TRRAP: variants seen among roughly 807,000 people sequenced by gnomAD.
TRRAP encodes transformation/transcription domain-associated protein.
In TRRAP, 41 loss-of-function variants were observed where a neutral mutation model predicts 438.8. The observed-to-expected ratio is 0.09, with a 90% confidence interval of 0.07 to 0.12. TRRAP has a LOEUF of 0.12. TRRAP is among the 10% of genes least tolerant of loss of function. The pLI is 1.00. For synonymous variants in TRRAP, 1,994 were observed against 1,962.9 expected (o/e 1.02, Z -0.42); for missense variants, 3,122 against 5,055.1 (o/e 0.62, Z 11.60).
chr7:98,949,242 A>AG (rs1554417575), intron 35 of TRRAP, among the ~76,000 whole-genome samples, 175 bp from the exon 36 acceptor site: 1 of 151,936 alleles, frequency 6.6e-6, no homozygotes, highest in African/African-American at 2.4e-5. Context: ...CTTTTTAAAA[A>AG]GAAAAAAAAA....
At chr7:98,924,921 G>A (rs922124442) in intron 21 of TRRAP, among the ~76,000 whole-genome samples, 191 bp from the exon 22 acceptor site, 13 of 151,332 alleles carry the variant, frequency 8.6e-5, no homozygotes, top group Non-Finnish European at 1.8e-4. Flanking sequence ...GGAGAATGGC[G>A]TGAACCCGGG....
rs2116624642 is a variant in TRRAP at position 98,953,045 on chromosome 7, GT to G, written c.5464-121del. On this transcript the variant is annotated intron_variant, in intron 39 of 72. Transcript: ENST00000456197. Reference sequence around the variant, plus strand: ...TTCATGTTACATTGTGTGTGTGTGTGTGTGTGTGTGTGTGTGTGTGTGTGTG... The same window carrying G: ...TTCATGTTACATTGTGTGTGTGTGTGGTGTGTGTGTGTGTGTGTGTGTGTG... 4 of 50,454 alleles carry G rather than the reference GT, an allele frequency of 7.9e-5. 1 individual carries two copies. The highest frequency in any genetic ancestry group is 4.3e-4 in the Admixed American group (1 of 2,318). The allele number at this position is 50,454 out of a possible 1,614,324, so 3.1% of individuals were successfully genotyped here.
chr7:98,956,321 C>T lies in TRRAP; in HGVS notation c.6096+17C>T, dbSNP rs782456140. On this transcript the variant is annotated intron_variant, in intron 42 of 72. Transcript: ENST00000456197. The surrounding 1 kb of genome is among the most constrained non-coding windows in gnomAD (Gnocchi z 4.5). ...GACCAGCAGGTAGGGGTGTCAGCCT[C>T]AGGGGTGCCCCGATCGTCTTCCTTT... 5 of 1,613,796 alleles carry T rather than the reference C, an allele frequency of 3.1e-6. No homozygotes were observed. In the South Asian group the frequency reaches 5.5e-5, roughly 18 times the overall value.
chr7:98,956,179 C>T lies in TRRAP; in HGVS notation c.5971C>T (p.His1991Tyr). The change falls in exon 42 of 73, where the codon CAC becomes TAC. Residue 1991 changes from histidine to tyrosine, a missense_variant. Physicochemically the swap from His to Tyr is moderately conservative, Grantham distance 83. This residue lies in a region of TRRAP where 992 missense variants were observed against 1,281.2 expected (regional missense o/e 0.77). Transcript: ENST00000456197. This position sits in a 1 kb window ranked among gnomAD's most constrained non-coding sequence, Gnocchi z 4.5. ...CCCGGTACGGCACCACTTGGTGCAG[C>T]ACATGGTGAGCGCCATGCAGAGGCT... The part of the protein sequence containing the change: ...YYPVRHHLVQ[H>Y]MVSAMQRLGF... 1 of 1,612,632 alleles carries T rather than the reference C, an allele frequency of 6.2e-7. No homozygotes were observed. Among genetic ancestry groups the T allele is most frequent in the East Asian group, 2.2e-5 (1 of 44,880 alleles).
chr7:98,903,621 C>T (rs1796571948), intron 12 of TRRAP, 104 bp downstream of exon 12: 3 of 1,496,826 alleles, frequency 2.0e-6, no homozygotes, highest in African/African-American at 2.8e-5. Context: ...TCCATGTATC[C>T]TTGCTTCCTT....
rs1791718598 is a variant in TRRAP at position 98,958,238 on chromosome 7, T to C, written c.6342+147T>C. On this transcript the variant is annotated intron_variant, in intron 44 of 72. Transcript: ENST00000456197. ...CTGGTTCTGTCATTTTCGTATCAAC[T>C]GCACTTGATTTTGTGGCAGGTTAAC... 7.7e-6 allele frequency: 5 copies of C among 647,814 alleles called. No individual in the cohort carries two copies. In the African/African-American group the frequency reaches 9.3e-5, roughly 12 times the overall value. 40.1% of individuals were successfully genotyped at this position (647,814 alleles called of 1,614,324 possible). A position where few individuals can be genotyped will look rare whatever the true frequency, so the allele number is the denominator to read the frequency against.
intron 8 of TRRAP, 64 bp from the exon 9 acceptor site, chr7:98,899,358 A>G: frequency 7.3e-7 from 1 of 1,365,482 alleles, no homozygotes; most frequent in Non-Finnish European, 1.0e-6. Context: ...CTCAGTGGGC[A>G]CTGGTGGGGG....
intron 62 of TRRAP, 77 bp from the exon 63 acceptor site, chr7:98,988,688 T>C: frequency 6.6e-7 from 1 of 1,523,390 alleles, no homozygotes; most frequent in Non-Finnish European, 8.9e-7. Flanking sequence ...GTTCATTTTA[T>C]AATGGTTAAT....
intron 70 of TRRAP, among the ~76,000 whole-genome samples, chr7:99,008,772 T>C (rs535947911): frequency 7.5e-4 from 115 of 152,356 alleles, no homozygotes; most frequent in Admixed American, 1.9e-3. Flanking sequence ...CGGTTTGTTA[T>C]GACCAGACAC....
At chr7:98,895,638 C>T in intron 6 of TRRAP, 126 bp from the exon 7 acceptor site, 1 of 626,020 alleles carries the variant, frequency 1.6e-6, no homozygotes. Context: ...GTATCTTGAG[C>T]CCACCATTTT....
At position 98,959,355 on chromosome 7, in the gene TRRAP, C is replaced by T. The variant is rs750325688; in HGVS notation, c.6354C>T (p.Asn2118=). The T allele has an allele frequency of 5.6e-6, 9 of 1,613,764 alleles. No individual in the cohort carries two copies. In the South Asian group the frequency reaches 8.8e-5, roughly 16 times the overall value. ...GGATGAATTCCTAGGTTAATGACAACACCAACACAGCGGGGTCCCCTGGGG... is the reference window on the plus strand; with the variant it reads ...GGATGAATTCCTAGGTTAATGACAATACCAACACAGCGGGGTCCCCTGGGG... ...LIRVACQVND[N]TNTAGSPGEV... The change falls in exon 45 of 73, where the codon AAC becomes AAT. Residue 2118 remains asparagine (N), a synonymous_variant. Coordinates refer to ENST00000456197, the MANE Select transcript of TRRAP (RefSeq NM_001375524.1).
At chr7:98,937,033 A>T in intron 28 of TRRAP, 123 bp from the exon 29 acceptor site, 1 of 1,258,448 alleles carries the variant, frequency 7.9e-7, no homozygotes, top group East Asian at 3.6e-5. Context: ...TTAGAGATGA[A>T]CCTGGGCAAC....
At chr7:98,922,162 C>T (rs1554410737) in intron 21 of TRRAP, among the ~76,000 whole-genome samples, 6 of 152,112 alleles carry the variant, frequency 3.9e-5, no homozygotes, top group Admixed American at 6.5e-5. Context: ...TCTGGAGCAG[C>T]CCCCTCTCCT....
chr7:99,001,697 TC>T (rs767200243), intron 67 of TRRAP, among the ~76,000 whole-genome samples: 1 of 152,144 alleles, frequency 6.6e-6, no homozygotes, highest in Non-Finnish European at 1.5e-5. Context: ...TTGTCTGTGT[TC>T]CGTTCGTGGA....
intron 23 of TRRAP, 87 bp from the exon 24 acceptor site, chr7:98,929,902 A>G: frequency 7.0e-7 from 1 of 1,425,498 alleles, no homozygotes; most frequent in Non-Finnish European, 9.7e-7. Context: ...CTTTTTATGG[A>G]GTTTCTAACT....
chr7:98,928,381 G>A (rs1286876469), intron 23 of TRRAP, among the ~76,000 whole-genome samples: 7 of 152,162 alleles, frequency 4.6e-5, no homozygotes, highest in African/African-American at 1.7e-4. Flanking sequence ...CTGCCCAGTT[G>A]GTGTCCTCAA....
At chr7:98,927,976 C>T (rs62472015) in intron 23 of TRRAP, among the ~76,000 whole-genome samples, 16,215 of 152,184 alleles carry the variant, frequency 0.11, 1,234 homozygotes, top group Middle Eastern at 0.17. Flanking sequence ...CGGTGGCTCA[C>T]GCCTATAATC....
chr7:98,972,523 A>C (rs1357186692), intron 53 of TRRAP, among the ~76,000 whole-genome samples: 1 of 152,228 alleles, frequency 6.6e-6, no homozygotes, highest in African/African-American at 2.4e-5. Flanking sequence ...AATCAAGCCC[A>C]CTTTGTGGAA....
intron 53 of TRRAP, among the ~76,000 whole-genome samples, chr7:98,974,290 G>C (rs995853723): frequency 3.3e-5 from 5 of 152,192 alleles, no homozygotes; most frequent in African/African-American, 1.2e-4. Flanking sequence ...TTTCCACCCT[G>C]ATGTTCTCCT....
Sources: gnomAD v4.1 joint callset for allele counts (sites outside exome capture counted in the v4.1 genomes callset) on GRCh38, gnomAD v4.1.1 for gene constraint, gnomAD v4.1.1 regional missense constraint, Gnocchi (gnomAD v3.1) non-coding constraint, MANE v1.5 for transcripts, NCBI Gene and HGNC (gene_info 2026-07-23, HGNC 2026-07-21) for gene names.